Variants in KCNH7 observed in about 807,000 individuals in gnomAD.
KCNH7 encodes the protein potassium voltage-gated channel subfamily H member 7, also known as voltage-gated inwardly rectifying potassium channel KCNH7.
Under a neutral mutation model 120.8 loss-of-function variants are expected in KCNH7, and 49 were observed. The observed-to-expected ratio is 0.41, with a 90% CI of 0.32 to 0.51. KCNH7 has a LOEUF of 0.51. Ranked by LOEUF, KCNH7 falls within the 20% of genes least tolerant of loss-of-function variation. The probability of loss-of-function intolerance (pLI) is 0.38; values close to 1 mark genes in which losing one functional copy is unlikely to be tolerated. For missense variants in KCNH7, 1,097 were observed against 1,446.6 expected (o/e 0.76, Z 3.92); for synonymous variants, 547 against 516.1 (o/e 1.06, Z -0.81).
intron 14 of KCNH7, among the ~76,000 whole-genome samples, chr2:162,375,295 C>A (rs940647858): frequency 1.3e-5 from 2 of 152,156 alleles, no homozygotes; most frequent in Non-Finnish European, 2.9e-5. Flanking sequence ...AAGGGAGATT[C>A]AAGATCCAAA....
chr2:162,440,570 A>C (rs1025630983), intron 7 of KCNH7, among the ~76,000 whole-genome samples: 2 of 152,030 alleles, frequency 1.3e-5, no homozygotes, highest in East Asian at 3.8e-4. Context: ...ATTTCTAAGG[A>C]TGCATTTACT....
intron 8 of KCNH7, among the ~76,000 whole-genome samples, chr2:162,427,478 C>A (rs1225893712): frequency 6.6e-6 from 1 of 151,962 alleles, no homozygotes; most frequent in Non-Finnish European, 1.5e-5. Flanking sequence ...CTTTTCATGA[C>A]TTTATTCATC....
At chr2:162,761,336 C>A (rs979135226) in intron 2 of KCNH7, among the ~76,000 whole-genome samples, 1 of 151,996 alleles carries the variant, frequency 6.6e-6, no homozygotes, top group Admixed American at 6.6e-5. Context: ...CTTTCTTCTT[C>A]TGACTTCAAG....
chr2:162,700,992 G>A lies in KCNH7; in HGVS notation c.307+135545C>T, dbSNP rs188908256. On this transcript the variant is annotated intron_variant, in intron 2 of 15. Coordinates refer to ENST00000332142, the MANE Select transcript of KCNH7 (RefSeq NM_033272.4). Reference sequence around the variant, plus strand: ...TGTTTGCCCTATATGCCAGGGCACTGGTTTCATAACTAACGAAACAGACAG... The same window carrying A: ...TGTTTGCCCTATATGCCAGGGCACTAGTTTCATAACTAACGAAACAGACAG... 2.0e-5 allele frequency among the ~76,000 whole-genome samples: 3 copies of A among 152,210 alleles called. No homozygotes were observed. In the East Asian group the frequency reaches 5.8e-4, roughly 29 times the overall value.
At chr2:162,457,741 C>T (rs980373060) in intron 6 of KCNH7, among the ~76,000 whole-genome samples, 8 of 152,066 alleles carry the variant, frequency 5.3e-5, no homozygotes, top group African/African-American at 9.7e-5. Context: ...ATCCTTTACT[C>T]GGGACTTGCA....
At chr2:162,406,290 A>G (rs1191718407) in intron 9 of KCNH7, among the ~76,000 whole-genome samples, 1 of 151,958 alleles carries the variant, frequency 6.6e-6, no homozygotes, top group East Asian at 1.9e-4. Context: ...AAGAATCAAA[A>G]TGTATTCTCT....
intron 6 of KCNH7, among the ~76,000 whole-genome samples, chr2:162,447,782 G>A (rs761782913): frequency 5.3e-5 from 8 of 151,830 alleles, no homozygotes; most frequent in Non-Finnish European, 8.8e-5. Context: ...GTCATATCTC[G>A]TACCTTTTTA....
chr2:162,821,535 TG>T (rs1185140601), intron 2 of KCNH7, among the ~76,000 whole-genome samples: 1 of 152,242 alleles, frequency 6.6e-6, no homozygotes, highest in African/African-American at 2.4e-5. Context: ...ATGAAAACTC[TG>T]TACTGTAGAA....
chr2:162,523,603 C>T (rs574973432), intron 3 of KCNH7, among the ~76,000 whole-genome samples: 133 of 151,756 alleles, frequency 8.8e-4, no homozygotes, highest in African/African-American at 3.1e-3. Context: ...TCATCTATTA[C>T]AGTTTGGAAG....
At chr2:162,693,739 T>C (rs1049087099) in intron 2 of KCNH7, among the ~76,000 whole-genome samples, 28 of 152,338 alleles carry the variant, frequency 1.8e-4, no homozygotes, top group Admixed American at 1.4e-3. Flanking sequence ...TAAGATGGTA[T>C]GTATTTCTTA....
intron 2 of KCNH7, among the ~76,000 whole-genome samples, chr2:162,811,854 C>T (rs930524187): frequency 1.3e-5 from 2 of 151,878 alleles, no homozygotes; most frequent in South Asian, 4.2e-4. Context: ...AAAGGGCAGG[C>T]GTAGACTCTT....
At chr2:162,480,992 T>A (rs1037931123) in intron 6 of KCNH7, among the ~76,000 whole-genome samples, 1 of 152,160 alleles carries the variant, frequency 6.6e-6, no homozygotes, top group African/African-American at 2.4e-5. Flanking sequence ...ACCTGCTACC[T>A]GAGTCTCCAC....
At position 162,590,521 on chromosome 2, in the gene KCNH7, G is replaced by A. The variant is rs748502405; in HGVS notation, c.308-53441C>T. Among the ~76,000 whole-genome samples the A allele has an allele frequency of 5.3e-5, 8 of 152,106 alleles. 1 individual carries two copies. The highest frequency in any genetic ancestry group is 1.2e-4 in the African/African-American group (5 of 41,434). Reference sequence around the variant, plus strand: ...GGAAGGTGACACAGAGCATATCACAGGGGACCTAGACCCAGAATAATAGCA... The same window carrying A: ...GGAAGGTGACACAGAGCATATCACAAGGGACCTAGACCCAGAATAATAGCA... On this transcript the variant is annotated intron_variant, in intron 2 of 15. Transcript: ENST00000332142.
intron 2 of KCNH7, among the ~76,000 whole-genome samples, chr2:162,600,809 C>G (rs1354849003): frequency 6.6e-6 from 1 of 151,910 alleles, no homozygotes; most frequent in East Asian, 1.9e-4. Context: ...TGGAAATTTG[C>G]CTAGATCAGG....
chr2:162,562,768 C>A (rs1693119361), intron 2 of KCNH7, among the ~76,000 whole-genome samples: 1 of 152,186 alleles, frequency 6.6e-6, no homozygotes, highest in African/African-American at 2.4e-5. Flanking sequence ...CTGTTACTTT[C>A]TTTGTCTTGC....
At chr2:162,713,443 A>G (rs1686998255) in intron 2 of KCNH7, among the ~76,000 whole-genome samples, 1 of 152,168 alleles carries the variant, frequency 6.6e-6, no homozygotes, top group South Asian at 2.1e-4. Context: ...TAGCATTAAG[A>G]AAGATAAAAA....
At chr2:162,671,071 CAACA>C (rs1685336671) in intron 2 of KCNH7, among the ~76,000 whole-genome samples, 2 of 151,998 alleles carry the variant, frequency 1.3e-5, no homozygotes, top group South Asian at 4.1e-4. Flanking sequence ...AGTCAAAAAA[CAACA>C]GACATTGGTG....
chr2:162,506,430 T>A (rs1199307631), intron 5 of KCNH7, among the ~76,000 whole-genome samples: 1 of 151,770 alleles, frequency 6.6e-6, no homozygotes, highest in South Asian at 2.1e-4. Flanking sequence ...ATCTTAATAT[T>A]TACAGTTTGT....
intron 2 of KCNH7, among the ~76,000 whole-genome samples, chr2:162,663,604 G>A (rs1383821280): frequency 6.6e-6 from 1 of 152,114 alleles, no homozygotes; most frequent in African/African-American, 2.4e-5. Context: ...AAAATGATCA[G>A]CTGTCAAGAG....
Sources: allele counts gnomAD v4.1 joint callset (sites outside exome capture counted in the v4.1 genomes callset), GRCh38; gene constraint gnomAD v4.1.1; transcripts MANE v1.5; gene names NCBI Gene and HGNC (gene_info 2026-07-23, HGNC 2026-07-21).